PTGER3: variants seen among roughly 807,000 people sequenced by gnomAD.
The protein encoded by PTGER3 is prostaglandin E receptor 3, also known as prostaglandin E2 receptor EP3 subtype.
A neutral mutation model predicts 34.7 loss-of-function variants in PTGER3; 22 were observed. The ratio of observed to expected loss-of-function variants is 0.63; its 90% CI spans 0.45 to 0.91. The LOEUF is 0.91. Ranked by LOEUF, PTGER3 falls within the 40% of genes least tolerant of loss-of-function variation. PTGER3 has a pLI of 0.00. For synonymous variants in PTGER3, 241 were observed against 230.1 expected, an observed-to-expected ratio of 1.05 and a Z score of -0.43; for missense variants, 468 against 519.4, an observed-to-expected ratio of 0.90 and a Z score of 0.96.
chr1:70,878,938 G>A (rs540330038), intron 4 of PTGER3, among the ~76,000 whole-genome samples: 24 of 152,300 alleles, frequency 1.6e-4, no homozygotes, highest in Non-Finnish European at 2.8e-4. Context: ...TAGGAAAAAT[G>A]TATATTCTGT....
chr1:70,923,652 A>G (rs953199313), intron 4 of PTGER3, among the ~76,000 whole-genome samples: 5 of 152,214 alleles, frequency 3.3e-5, no homozygotes, highest in East Asian at 1.9e-4. Context: ...AATTTTTCTT[A>G]AAACATTACT....
intron 2 of PTGER3, chr1:71,009,375 A>G: frequency 2.0e-6 from 2 of 979,500 alleles, no homozygotes; most frequent in Non-Finnish European, 2.4e-6. Flanking sequence ...TAAATCTGGC[A>G]TGATTAAACA....
chr1:70,949,026 A>T (rs533583668), downstream of PTGER3, among the ~76,000 whole-genome samples: 46 of 152,282 alleles, frequency 3.0e-4, no homozygotes, highest in South Asian at 8.9e-3. Context: ...TTTGCATTTT[A>T]TTCACAGAGC....
chr1:70,967,037 A>G (rs1652599087), downstream of PTGER3, among the ~76,000 whole-genome samples: 1 of 152,064 alleles, frequency 6.6e-6, no homozygotes, highest in African/African-American at 2.4e-5. Context: ...GTCTTCCACA[A>G]TGATTGAACT....
At chr1:71,031,788 T>C (rs531300004) in intron 1 of PTGER3, among the ~76,000 whole-genome samples, 17 of 152,308 alleles carry the variant, frequency 1.1e-4, no homozygotes, top group African/African-American at 4.1e-4. Flanking sequence ...GGAGTCACAG[T>C]TGGTTGTTTG....
chr1:70,961,925 C>T (rs1453774791), intron 2 of PTGER3, among the ~76,000 whole-genome samples: 1 of 152,188 alleles, frequency 6.6e-6, no homozygotes, highest in Non-Finnish European at 1.5e-5. Flanking sequence ...CAAATTCCAG[C>T]CACAAACTCA....
intron 1 of PTGER3, among the ~76,000 whole-genome samples, chr1:71,034,130 TTTATC>T (rs1206343641): frequency 6.6e-6 from 1 of 152,128 alleles, no homozygotes; most frequent in African/African-American, 2.4e-5. Flanking sequence ...TAATATTAGT[TTTATC>T]TTATTTTATT....
At chr1:70,973,217 TAGATGATAGATAGATAGATA>T (rs1468242426) in intron 3 of PTGER3, among the ~76,000 whole-genome samples, 7 of 129,000 alleles carry the variant, frequency 5.4e-5, no homozygotes, top group South Asian at 5.2e-4. Flanking sequence ...GATAGATAGA[TAGATGATAGATAGATAGATA>T]GATAGATAGA....
At chr1:70,899,373 G>C (rs1021997186) in intron 4 of PTGER3, among the ~76,000 whole-genome samples, 1 of 152,158 alleles carries the variant, frequency 6.6e-6, no homozygotes, top group Non-Finnish European at 1.5e-5. Context: ...AAAGGAGAAG[G>C]CTTCCCAAAG....
chr1:70,934,983 C>T (rs1292300670), intron 4 of PTGER3, among the ~76,000 whole-genome samples: 1 of 152,042 alleles, frequency 6.6e-6, no homozygotes. Flanking sequence ...TGTTGATCAC[C>T]AGCTCTAAAC....
rs988334132 is a variant in PTGER3, at chr1:71,011,087, A to G, written c.1077+1218T>C. On this transcript the variant is annotated intron_variant, in intron 2 of 3. Coordinates refer to ENST00000306666, the MANE Select transcript of PTGER3 (RefSeq NM_198719.2). The stretch of plus-strand genomic sequence containing the variant: ...CAGGATTACTATGTTTGGTGGGGAG[A>G]CATTTTTAAGAAGTGCAATTCCCAA... 5 of 985,626 alleles carry G rather than the reference A, an allele frequency of 5.1e-6. No homozygotes were observed. The African/African-American group carries it at 8.7e-5, about 17-fold the overall frequency. 61.1% of individuals were successfully genotyped at this position (985,626 alleles called of 1,614,324 possible).
At chr1:70,918,867 T>C (rs1647280929) in intron 4 of PTGER3, among the ~76,000 whole-genome samples, 1 of 152,008 alleles carries the variant, frequency 6.6e-6, no homozygotes, top group African/African-American at 2.4e-5. Context: ...AGATACATGG[T>C]ATATAAATAC....
At chr1:70,929,825 C>T (rs531119725) in intron 4 of PTGER3, among the ~76,000 whole-genome samples, 20 of 152,104 alleles carry the variant, frequency 1.3e-4, no homozygotes, top group South Asian at 4.2e-4. Flanking sequence ...ATGAGTTAAA[C>T]GGAAATGAAA....
In PTGER3 at chr1:70,959,736, A is replaced by C. The variant is rs561621222; in HGVS notation, c.1078-5947T>G. On this transcript the variant is annotated intron_variant, in intron 2 of 3. Coordinates refer to the PTGER3 transcript ENST00000356595. ...GGGCTGACGTGTCATTGAGATTTTTATTCAATTTTTTAAACACTTTAAGTC... is the reference window on the plus strand; with the variant it reads ...GGGCTGACGTGTCATTGAGATTTTTCTTCAATTTTTTAAACACTTTAAGTC... 2.0e-5 allele frequency among the ~76,000 whole-genome samples: 3 copies of C among 151,986 alleles called. No homozygotes were observed. The East Asian group carries it at 5.8e-4, about 29-fold the overall frequency.
intron 1 of PTGER3, among the ~76,000 whole-genome samples, chr1:71,014,651 G>A (rs1657735670): frequency 6.6e-6 from 1 of 152,158 alleles, no homozygotes; most frequent in African/African-American, 2.4e-5. Flanking sequence ...CAGCCATGTG[G>A]GGCACAGCAA....
chr1:71,000,791 T>C (rs1276177610), intron 2 of PTGER3, among the ~76,000 whole-genome samples: 2 of 152,038 alleles, frequency 1.3e-5, no homozygotes, highest in East Asian at 3.9e-4. Flanking sequence ...AAAAGAGAAA[T>C]GTATTCAAGA....
At chr1:70,866,696 G>T (rs1646049441) in intron 4 of PTGER3, among the ~76,000 whole-genome samples, 2 of 152,102 alleles carry the variant, frequency 1.3e-5, no homozygotes, top group African/African-American at 4.8e-5. Context: ...TTGATTTCTG[G>T]CCATCAAACA....
At chr1:70,910,807 G>C (rs370267662) in intron 4 of PTGER3, among the ~76,000 whole-genome samples, 1 of 152,124 alleles carries the variant, frequency 6.6e-6, no homozygotes, top group South Asian at 2.1e-4. Flanking sequence ...TAACCGGCCG[G>C]GGCCATGGCT....
At chr1:70,918,621 C>T (rs895731789) in intron 4 of PTGER3, among the ~76,000 whole-genome samples, 1 of 152,038 alleles carries the variant, frequency 6.6e-6, no homozygotes, top group African/African-American at 2.4e-5. Flanking sequence ...GGTTATCCTT[C>T]TAACTTGCTG....
Sources: allele counts gnomAD v4.1 joint callset (sites outside exome capture counted in the v4.1 genomes callset), GRCh38; gene constraint gnomAD v4.1.1; transcripts MANE v1.5; gene names NCBI Gene and HGNC (gene_info 2026-07-23, HGNC 2026-07-21).